The following NPHP3 variants were observed in gnomAD, a reference collection of about 807,000 sequenced individuals.
NPHP3 encodes nephrocystin-3.
Under a neutral mutation model 171.9 loss-of-function variants are expected in NPHP3, and 123 were observed. The ratio of observed to expected loss-of-function variants is 0.72; its 90% CI spans 0.62 to 0.83. NPHP3 has a LOEUF of 0.83. Ranked by LOEUF, NPHP3 falls within the 40% of genes least tolerant of loss-of-function variation. The pLI is 0.00. For missense variants in NPHP3, 1,506 were observed against 1,591.9 expected, an observed-to-expected ratio of 0.95 and a Z score of 0.92; for synonymous variants, 558 against 579.2, an observed-to-expected ratio of 0.96 and a Z score of 0.52.
rs180807429 is a variant in NPHP3, at chr3:132,687,113, T to G, written c.3201+38A>C. ...TGCATTTATGATGCTCTTTTCCTCT[T>G]ACGTTCAAAACACAACACAAAAGAA... On this transcript the variant is annotated intron_variant, in intron 22 of 26. Coordinates refer to ENST00000337331, the MANE Select transcript of NPHP3 (RefSeq NM_153240.5). 1.5e-3 allele frequency: 1,541 copies of G among 1,027,336 alleles called. 15 individuals are homozygous for G. The highest frequency in any genetic ancestry group is 2.3e-4 in the Non-Finnish European group (148 of 650,188). 63.6% of individuals were successfully genotyped at this position (1,027,336 alleles called of 1,614,324 possible). A position where few individuals can be genotyped will look rare whatever the true frequency, so the allele number is the denominator to read the frequency against.
At chr3:132,699,217 A>T (rs1047015126) in intron 13 of NPHP3, 136 bp downstream of exon 13, 6 of 656,326 alleles carry the variant, frequency 9.1e-6, no homozygotes, top group Admixed American at 5.1e-5. Flanking sequence ...TTTTTTCATA[A>T]ATTCACCCAC....
chr3:132,692,996 A>C, intron 16 of NPHP3, 178 bp from the exon 17 acceptor site: 1 of 609,312 alleles, frequency 1.6e-6, no homozygotes, highest in Non-Finnish European at 2.9e-6. Context: ...ACATTAATGA[A>C]GATTAAGATA....
At chr3:132,691,109 T>G (rs1436347934) in intron 18 of NPHP3, 83 bp downstream of exon 18, 17 of 1,050,666 alleles carry the variant, frequency 1.6e-5, no homozygotes, top group Non-Finnish European at 2.6e-5. Flanking sequence ...GTACTTTAAG[T>G]TGTAAGCTAA....
At chr3:132,686,095 C>T in intron 23 of NPHP3, 165 bp downstream of exon 23, 2 of 645,226 alleles carry the variant, frequency 3.1e-6, no homozygotes, top group South Asian at 1.8e-5. Context: ...GAGAAAATGC[C>T]ATGGTCTTTA....
Position 132,690,627 on chromosome 3 carries a change from C to T in NPHP3, c.2594G>A (p.Ser865Asn), listed in dbSNP as rs1201256564. The change falls in exon 19 of 27, where the codon AGT becomes AAT. Residue 865 changes from serine to asparagine, a missense_variant. Around this residue, in one of 3 missense-constraint regions of NPHP3, gnomAD observed 569 missense variants for 648.1 expected, o/e 0.88. Coordinates refer to ENST00000337331, the MANE Select transcript of NPHP3 (RefSeq NM_153240.5). ...AAAAAGCCACGGGAGTTCATCTGCA[C>T]TTCTCCAAGTCACTCTGTCCTGACT... ...QLSQDRVTWR[S>N]ADELPWLFQQ... 5.6e-6 allele frequency: 9 copies of T among 1,613,862 alleles called. No homozygotes were observed. In the South Asian group the frequency reaches 6.6e-5, roughly 12 times the overall value.
Position 132,681,534 on chromosome 3 carries a change from G to C in NPHP3, c.*376C>G. On this transcript the variant is annotated 3_prime_UTR_variant, in exon 27 of 27. Coordinates refer to ENST00000337331, the MANE Select transcript of NPHP3 (RefSeq NM_153240.5). The stretch of plus-strand genomic sequence containing the variant: ...CCTCCTGCATCACCCTCCCAAAGTG[G>C]TGGGATTACAGGCATGAGCCACCAT... 1 of 260,398 alleles carries C rather than the reference G, an allele frequency of 3.8e-6. No homozygotes were observed. The highest frequency in any genetic ancestry group is 7.5e-6 in the Non-Finnish European group (1 of 132,918). The allele number at this position is 260,398 out of a possible 1,614,324, so 16.1% of individuals were successfully genotyped here.
intron 7 of NPHP3, among the ~76,000 whole-genome samples, chr3:132,706,268 A>AGAATGGC (rs1939748459): frequency 1.3e-5 from 2 of 151,920 alleles, no homozygotes; most frequent in South Asian, 4.2e-4. Flanking sequence ...TTGAGGCAAG[A>AGAATGGC]GAATGGCGTG....
chr3:132,703,274 A>G (rs1338548915), intron 9 of NPHP3, among the ~76,000 whole-genome samples: 1 of 152,254 alleles, frequency 6.6e-6, no homozygotes, highest in African/African-American at 2.4e-5. Flanking sequence ...CGGACAGTCT[A>G]AATTCAAAAA....
chr3:132,690,489 C>T, intron 19 of NPHP3, 39 bp downstream of exon 19: 1 of 1,588,048 alleles, frequency 6.3e-7, no homozygotes, highest in East Asian at 2.2e-5. Flanking sequence ...AACTTTAAAT[C>T]TCTCTTTCTG....
intron 2 of NPHP3, 78 bp from the exon 3 acceptor site, chr3:132,719,222 T>G: frequency 8.8e-7 from 1 of 1,133,736 alleles, no homozygotes; most frequent in Non-Finnish European, 1.3e-6. Context: ...GGGAAAAATA[T>G]TTCATTCATA....
At chr3:132,692,179 A>G (rs887042332) in intron 17 of NPHP3, among the ~76,000 whole-genome samples, 1 of 152,236 alleles carries the variant, frequency 6.6e-6, no homozygotes, top group East Asian at 1.9e-4. Context: ...AGGCCATACC[A>G]TATAGCCTCC....
At position 132,722,120 on chromosome 3, in the gene NPHP3, G is replaced by A. The variant is rs1303757034; in HGVS notation, c.236C>T (p.Ser79Leu). The A allele has an allele frequency of 1.7e-5, 27 of 1,606,220 alleles. 1 individual carries two copies. The highest frequency in any genetic ancestry group is 2.2e-5 in the East Asian group (1 of 44,744). ...LLGASFKSTG[S>L]SVPELEYAAA... is the part of the protein sequence containing the mutation. The stretch of plus-strand genomic sequence containing the variant: ...CGCGTACTCCAGCTCTGGCACCGAC[G>A]AGCCAGTGGACTTGAAGCTGGCCCC... Residue 79 changes from serine to leucine, a missense_variant, in exon 1 of 27, where the codon TCG (serine) becomes TTG (leucine). Around this residue, in one of 3 missense-constraint regions of NPHP3, gnomAD observed 930 missense variants for 924.9 expected, o/e 1.01. Transcript: ENST00000337331.
intron 8 of NPHP3, 51 bp downstream of exon 8, chr3:132,705,689 A>G (rs753152648): frequency 1.0e-6 from 1 of 985,812 alleles, no homozygotes. Flanking sequence ...ATTTCATAGA[A>G]AGTGATCTTA....
rs1285994540 is a variant in NPHP3, at chr3:132,700,071, A to T, written c.1744-10T>A. The T allele has an allele frequency of 1.2e-6, 2 of 1,613,990 alleles. No homozygotes were observed. Among genetic ancestry groups the T allele is most frequent in the Admixed American group, 3.3e-5 (2 of 60,024 alleles). On this transcript the variant is annotated splice_polypyrimidine_tract_variant and intron_variant, in intron 11 of 26. Transcript: ENST00000337331. The stretch of plus-strand genomic sequence containing the variant: ...AAGAGTGCTGCATCAACTACAAGAT[A>T]AGAACACACACAAACTGAAGTAGTT...
intron 15 of NPHP3, among the ~76,000 whole-genome samples, 171 bp downstream of exon 15, chr3:132,696,560 C>T (rs914660243): frequency 6.6e-6 from 1 of 152,124 alleles, no homozygotes; most frequent in Non-Finnish European, 1.5e-5. Flanking sequence ...CAATCATGGA[C>T]AGTAGGCACC....
At chr3:132,719,873 G>A (rs1373521516) in intron 1 of NPHP3, 43 bp from the exon 2 acceptor site, 3 of 1,402,746 alleles carry the variant, frequency 2.1e-6, no homozygotes, top group African/African-American at 2.9e-5. Flanking sequence ...AAATAGTCTT[G>A]CTCCTCAATT....
chr3:132,709,667 G>C (rs1470343485), intron 6 of NPHP3, among the ~76,000 whole-genome samples: 6 of 152,086 alleles, frequency 3.9e-5, no homozygotes, highest in Non-Finnish European at 8.8e-5. Context: ...GTTGTCTAGG[G>C]AAACAAATGT....
intron 1 of NPHP3, 69 bp from the exon 2 acceptor site, chr3:132,719,899 T>C: frequency 3.2e-6 from 2 of 625,744 alleles, no homozygotes; most frequent in Non-Finnish European, 4.5e-6. Flanking sequence ...TTCTTATATA[T>C]ATACATATAT....
At position 132,695,166 on chromosome 3, in the gene NPHP3, G is replaced by A. The variant is rs1468116879; in HGVS notation, c.2172-201C>T. 4 of 546,124 alleles carry A rather than the reference G, an allele frequency of 7.3e-6. No homozygotes were observed. In the East Asian group the frequency reaches 1.3e-4, roughly 17 times the overall value. The allele number at this position is 546,124 out of a possible 1,614,324, so 33.8% of individuals were successfully genotyped here. On this transcript the variant is annotated intron_variant, in intron 15 of 26. Transcript: ENST00000337331. ...ATTTTACTATATATAATTTAATTCAGTGCAATAAACATGCTGAAATCTATT... is the reference window on the plus strand; with the variant it reads ...ATTTTACTATATATAATTTAATTCAATGCAATAAACATGCTGAAATCTATT...
Sources: gnomAD v4.1 joint callset for allele counts (sites outside exome capture counted in the v4.1 genomes callset) on GRCh38, gnomAD v4.1.1 for gene constraint, gnomAD v4.1.1 regional missense constraint, MANE v1.5 for transcripts, NCBI Gene and HGNC (gene_info 2026-07-23, HGNC 2026-07-21) for gene names.